Variants in GABBR2 observed in about 807,000 individuals in gnomAD.
GABBR2 encodes G-protein coupled receptor 51.
GABBR2 carries 23 observed loss-of-function variants against 105.6 expected under a neutral mutation model. That is an observed-to-expected ratio of 0.22 (90% CI 0.16 to 0.31). The LOEUF (loss-of-function observed/expected upper bound fraction) is 0.31, where lower values mean the gene tolerates loss of function less well. Ranked by LOEUF, GABBR2 falls within the 10% of genes least tolerant of loss-of-function variation. The probability of loss-of-function intolerance (pLI) is 1.00; values close to 1 mark genes in which losing one functional copy is unlikely to be tolerated. For missense variants in GABBR2, 734 were observed against 1,245.5 expected (o/e 0.59, Z 6.18); for synonymous variants, 478 against 499.7 (o/e 0.96, Z 0.58).
intron 1 of GABBR2, among the ~76,000 whole-genome samples, chr9:98,649,406 T>C (rs1239357663): frequency 6.6e-6 from 1 of 151,966 alleles, no homozygotes; most frequent in African/African-American, 2.4e-5. Context: ...CCCCAAAGAG[T>C]TAGTGAGTGA....
At chr9:98,703,560 A>C (rs1020064939) in intron 1 of GABBR2, among the ~76,000 whole-genome samples, 1 of 152,110 alleles carries the variant, frequency 6.6e-6, no homozygotes, top group Non-Finnish European at 1.5e-5. Context: ...CAGCACAATC[A>C]CAGCTTACTG....
chr9:98,401,012 T>A (rs1832385851), intron 8 of GABBR2, among the ~76,000 whole-genome samples: 1 of 152,116 alleles, frequency 6.6e-6, no homozygotes, highest in Admixed American at 6.5e-5. Flanking sequence ...GCGACTGCAC[T>A]TTTCTCAAGA....
At chr9:98,681,304 A>G (rs1432293820) in intron 1 of GABBR2, among the ~76,000 whole-genome samples, 1 of 67,832 alleles carries the variant, frequency 1.5e-5, no homozygotes, top group African/African-American at 6.6e-5. Flanking sequence ...GACATGGATG[A>G]AATTGGAAAT....
intron 1 of GABBR2, among the ~76,000 whole-genome samples, chr9:98,692,937 G>A (rs912941477): frequency 2.0e-5 from 3 of 152,146 alleles, no homozygotes; most frequent in African/African-American, 7.2e-5. Context: ...TAACCGGGTC[G>A]ATACAAATGA....
At position 98,333,337 on chromosome 9, in the gene GABBR2, T is replaced by C. The variant is rs113337004; in HGVS notation, c.1894-22132A>G. 3.7e-3 allele frequency among the ~76,000 whole-genome samples: 561 copies of C among 152,284 alleles called. 3 individuals carry two copies. Among genetic ancestry groups the C allele is most frequent in the African/African-American group, 0.012 (506 of 41,562 alleles). On this transcript the variant is annotated intron_variant, in intron 13 of 18. Coordinates refer to ENST00000259455, the MANE Select transcript of GABBR2 (RefSeq NM_005458.8). The stretch of plus-strand genomic sequence containing the variant: ...ATTTTCTAGAGCTGTTGTAACAAAC[T>C]ACCATAAATTGGGCGGCTTAAAACA...
chr9:98,449,463 C>T (rs1337360254), intron 7 of GABBR2, among the ~76,000 whole-genome samples: 1 of 152,054 alleles, frequency 6.6e-6, no homozygotes, highest in African/African-American at 2.4e-5. Context: ...TGTGTGTGGC[C>T]CCAAGCAATT....
intron 1 of GABBR2, among the ~76,000 whole-genome samples, chr9:98,590,823 T>C (rs1564124050): frequency 6.6e-6 from 1 of 152,180 alleles, no homozygotes; most frequent in Non-Finnish European, 1.5e-5. Flanking sequence ...CTTGCTCTCA[T>C]GGGATTTATA....
intron 1 of GABBR2, among the ~76,000 whole-genome samples, chr9:98,618,984 AAG>A (rs1191825733): frequency 2.0e-5 from 3 of 152,242 alleles, no homozygotes; most frequent in African/African-American, 7.2e-5. Context: ...AAAAAGGAAA[AAG>A]AGAAAACATT....
chr9:98,690,176 A>G (rs1047744121), intron 1 of GABBR2, among the ~76,000 whole-genome samples: 2 of 97,588 alleles, frequency 2.0e-5, no homozygotes, highest in Non-Finnish European at 2.0e-5. Flanking sequence ...AGGACTTTCC[A>G]GTGTCATTAT....
chr9:98,484,628 C>A (rs536256650), intron 4 of GABBR2, among the ~76,000 whole-genome samples: 1 of 152,202 alleles, frequency 6.6e-6, no homozygotes, highest in South Asian at 2.1e-4. Flanking sequence ...GTTTGAGGTG[C>A]TTCTCAAACT....
intron 1 of GABBR2, among the ~76,000 whole-genome samples, chr9:98,592,975 A>C (rs1400024502): frequency 1.3e-5 from 2 of 150,376 alleles, no homozygotes; most frequent in Admixed American, 6.6e-5. Flanking sequence ...ACTTTATTTT[A>C]GTTATTTATT....
chr9:98,652,312 A>G (rs1335546805), intron 1 of GABBR2, among the ~76,000 whole-genome samples: 3 of 152,148 alleles, frequency 2.0e-5, no homozygotes, highest in African/African-American at 7.2e-5. Flanking sequence ...TCTCAGGTCC[A>G]ACTTGAACTC....
chr9:98,686,683 A>G (rs1179674730), intron 1 of GABBR2, among the ~76,000 whole-genome samples: 1 of 152,312 alleles, frequency 6.6e-6, no homozygotes, highest in East Asian at 1.9e-4. Flanking sequence ...GGCCTGAGCC[A>G]CTGCACTGGG....
At chr9:98,316,155 CT>C (rs3059584) in intron 13 of GABBR2, among the ~76,000 whole-genome samples, 44 of 146,194 alleles carry the variant, frequency 3.0e-4, no homozygotes, top group African/African-American at 3.8e-4. Flanking sequence ...TTTCAACTGG[CT>C]TTTTTTTTTT....
chr9:98,607,587 C>G (rs1227998924), intron 1 of GABBR2: 2 of 681,730 alleles, frequency 2.9e-6, no homozygotes, highest in African/African-American at 1.8e-5. Context: ...ATACTATCAT[C>G]AAAGTTAATG....
chr9:98,436,265 T>G, intron 7 of GABBR2, among the ~76,000 whole-genome samples: 1 of 95,876 alleles, frequency 1.0e-5, no homozygotes, highest in Non-Finnish European at 2.0e-5. Context: ...CTTCTGTTAT[T>G]TAAACAACAA....
In GABBR2 at chr9:98,514,245, G is replaced by T. The variant is rs1827712765; in HGVS notation, c.631-17731C>A. Among the ~76,000 whole-genome samples the T allele has an allele frequency of 9.0e-5, 12 of 133,018 alleles. 2 individuals carry two copies. The highest frequency in any genetic ancestry group is 4.0e-3 in the Middle Eastern group (1 of 252). The allele number at this position is 133,018 out of a possible 152,430, so 87.3% of individuals were successfully genotyped here. ...CAGGAAGGGGAATATCACACTCTGGGGACTGTTGTGGGGTAGGGGGAGGGG... is the reference window on the plus strand; with the variant it reads ...CAGGAAGGGGAATATCACACTCTGGTGACTGTTGTGGGGTAGGGGGAGGGG... On this transcript the variant is annotated intron_variant, in intron 3 of 18. Coordinates refer to ENST00000259455, the MANE Select transcript of GABBR2 (RefSeq NM_005458.8).
intron 1 of GABBR2, among the ~76,000 whole-genome samples, chr9:98,648,156 G>GAT (rs1293714927): frequency 1.3e-5 from 2 of 148,956 alleles, no homozygotes; most frequent in African/African-American, 2.5e-5. Flanking sequence ...TAGATAGATA[G>GAT]AGTCTTACTC....
chr9:98,548,541 G>C (rs2131746396), intron 2 of GABBR2, among the ~76,000 whole-genome samples: 1 of 115,134 alleles, frequency 8.7e-6, no homozygotes, highest in African/African-American at 2.7e-5. Flanking sequence ...TTCTCATCCA[G>C]GTTTTTTTTC....
Sources: gnomAD v4.1 joint callset for allele counts (sites outside exome capture counted in the v4.1 genomes callset) on GRCh38, gnomAD v4.1.1 for gene constraint, MANE v1.5 for transcripts, NCBI Gene and HGNC (gene_info 2026-07-23, HGNC 2026-07-21) for gene names.